The following IQCK variants were observed in gnomAD, a reference collection of about 807,000 sequenced individuals.
IQCK encodes the protein IQ motif containing K.
IQCK carries 29 observed loss-of-function variants against 28.1 expected under a neutral mutation model. The ratio of observed to expected loss-of-function variants is 1.03; its 90% CI spans 0.77 to 1.41. IQCK has a LOEUF of 1.41. Ranked by LOEUF, IQCK falls within the 40% of genes most tolerant of loss-of-function variation. The probability of loss-of-function intolerance (pLI) is 0.00; values close to 1 mark genes in which losing one functional copy is unlikely to be tolerated. For synonymous variants in IQCK, 113 were observed against 115.1 expected (o/e 0.98, Z 0.12); for missense variants, 359 against 314.7 (o/e 1.14, Z -1.07).
chr16:19,820,785 A>G (rs1466146206), intron 7 of IQCK, among the ~76,000 whole-genome samples: 1 of 152,212 alleles, frequency 6.6e-6, no homozygotes, highest in African/African-American at 2.4e-5. Flanking sequence ...TGAGAAGCGT[A>G]TAGTGTCCAA....
intron 7 of IQCK, among the ~76,000 whole-genome samples, chr16:19,820,637 A>G (rs911411390): frequency 6.7e-6 from 1 of 148,990 alleles, no homozygotes; most frequent in Non-Finnish European, 1.5e-5. Context: ...CACCAGAGGG[A>G]AACTCTGTAT....
At chr16:19,791,528 A>G (rs559079717) in intron 7 of IQCK, among the ~76,000 whole-genome samples, 1 of 110,036 alleles carries the variant, frequency 9.1e-6, no homozygotes, top group Middle Eastern at 4.5e-3. Context: ...ACCAGTATGT[A>G]ACAGTAAAAG....
At chr16:19,841,217 G>A (rs1177066869) in intron 9 of IQCK, among the ~76,000 whole-genome samples, 1 of 152,160 alleles carries the variant, frequency 6.6e-6, no homozygotes, top group East Asian at 1.9e-4. Context: ...CACTGTCACT[G>A]GTAATACTTT....
At chr16:19,827,736 A>G (rs1446121342), downstream of IQCK, among the ~76,000 whole-genome samples, 1 of 151,990 alleles carries the variant, frequency 6.6e-6, no homozygotes, top group African/African-American at 2.4e-5. Context: ...GGTTGCATGG[A>G]CTCTGCCTGG....
intron 6 of IQCK, among the ~76,000 whole-genome samples, chr16:19,770,627 TG>T (rs1189854038): frequency 6.2e-5 from 1 of 16,252 alleles, no homozygotes; most frequent in Non-Finnish European, 2.1e-4. Flanking sequence ...GTTTCTCTTT[TG>T]GGGGGCGGGG....
chr16:19,814,902 T>G, intron 7 of IQCK, among the ~76,000 whole-genome samples: 1 of 146,202 alleles, frequency 6.8e-6, no homozygotes, highest in Non-Finnish European at 1.5e-5. Context: ...TCCTGCCACC[T>G]CAGCCTCCCA....
intron 4 of IQCK, among the ~76,000 whole-genome samples, chr16:19,759,234 T>C (rs891938362): frequency 6.6e-6 from 1 of 152,134 alleles, no homozygotes; most frequent in African/African-American, 2.4e-5. Flanking sequence ...TATTTTGAGA[T>C]GGAGTCTTGC....
chr16:19,775,002 T>G (rs1369447203), intron 6 of IQCK, among the ~76,000 whole-genome samples: 1 of 151,914 alleles, frequency 6.6e-6, no homozygotes, highest in Non-Finnish European at 1.5e-5. Context: ...CCAAGGCAGG[T>G]GGAGCATGAG....
chr16:19,783,269 G>A (rs1175142380), intron 6 of IQCK, among the ~76,000 whole-genome samples: 3 of 152,078 alleles, frequency 2.0e-5, no homozygotes, highest in African/African-American at 7.2e-5. Flanking sequence ...AAAGTGCTGG[G>A]ATTACAGGCG....
At chr16:19,791,140 TGGCTC>T (rs2055610985) in intron 7 of IQCK, among the ~76,000 whole-genome samples, 1 of 35,306 alleles carries the variant, frequency 2.8e-5, no homozygotes, top group Non-Finnish European at 4.2e-5. Context: ...CTGTGAGTGG[TGGCTC>T]ACACCTGTAA....
chr16:19,777,784 C>T (rs1447005458), intron 6 of IQCK, among the ~76,000 whole-genome samples: 1 of 152,170 alleles, frequency 6.6e-6, no homozygotes, highest in African/African-American at 2.4e-5. Context: ...GGCACGGTGG[C>T]TCACGCCTGT....
At chr16:19,742,597 C>G (rs1183017119) in intron 4 of IQCK, among the ~76,000 whole-genome samples, 1 of 152,166 alleles carries the variant, frequency 6.6e-6, no homozygotes, top group Non-Finnish European at 1.5e-5. Flanking sequence ...TATCTGTCAC[C>G]CACAACTGAA....
chr16:19,819,006 C>T (rs902170249), intron 7 of IQCK, among the ~76,000 whole-genome samples: 5 of 152,100 alleles, frequency 3.3e-5, no homozygotes, highest in South Asian at 2.1e-4. Flanking sequence ...TTGAGATCAC[C>T]GCAATCCCAA....
chr16:19,811,109 C>T (rs981576532), intron 7 of IQCK, among the ~76,000 whole-genome samples: 26 of 152,070 alleles, frequency 1.7e-4, no homozygotes, highest in African/African-American at 6.3e-4. Context: ...CATGGCAAAA[C>T]CTGGTCTCTA....
At position 19,856,759 on chromosome 16, in the gene IQCK, T is replaced by C. The variant is rs113160872; in HGVS notation, c.*211T>C. 1,579 of 546,556 alleles carry C rather than the reference T, an allele frequency of 2.9e-3. 19 individuals are homozygous for C. The highest frequency in any genetic ancestry group is 0.027 in the African/African-American group (1,420 of 52,420). The allele number at this position is 546,556 out of a possible 1,614,324, so 33.9% of individuals were successfully genotyped here. ...GGACCAGTCTTCACTTTCTGCATTA[T>C]CCCCACATTTTATTCATTCATCCAG... On this transcript the variant is annotated 3_prime_UTR_variant, in exon 10 of 10. Transcript: ENST00000320394.
At chr16:19,735,828 T>C in intron 4 of IQCK, 1 of 334,706 alleles carries the variant, frequency 3.0e-6, no homozygotes, top group Non-Finnish European at 5.8e-6. Flanking sequence ...TTTGGGAAGC[T>C]GAGGTGGGAG....
chr16:19,743,963 C>A (rs902849713), intron 4 of IQCK, among the ~76,000 whole-genome samples: 2 of 152,136 alleles, frequency 1.3e-5, no homozygotes, highest in Non-Finnish European at 2.9e-5. Context: ...ACACACACAT[C>A]TATTGTGTGG....
chr16:19,841,770 G>A (rs370884583), intron 9 of IQCK, among the ~76,000 whole-genome samples: 2 of 151,922 alleles, frequency 1.3e-5, no homozygotes, highest in Non-Finnish European at 2.9e-5. Context: ...GATAATGCTT[G>A]TAATGAATAT....
chr16:19,827,366 C>G (rs117516006), downstream of IQCK, among the ~76,000 whole-genome samples: 408 of 152,234 alleles, frequency 2.7e-3, no homozygotes, highest in Middle Eastern at 6.8e-3. Flanking sequence ...CAGTGTCTCC[C>G]TGTGTCTGCA....
Sources: gnomAD v4.1 joint callset for allele counts (sites outside exome capture counted in the v4.1 genomes callset) on GRCh38, gnomAD v4.1.1 for gene constraint, MANE v1.5 for transcripts, NCBI Gene and HGNC (gene_info 2026-07-23, HGNC 2026-07-21) for gene names.